LRRC19: variants seen among roughly 807,000 people sequenced by gnomAD.
LRRC19 encodes the protein leucine-rich repeat-containing protein 19.
A neutral mutation model predicts 33.3 loss-of-function variants in LRRC19; 33 were observed. The ratio of observed to expected loss-of-function variants is 0.99; its 90% CI spans 0.75 to 1.33. LRRC19 has a LOEUF of 1.33. LRRC19 is among the 40% of genes most tolerant of loss of function. LRRC19 has a pLI of 0.00. For synonymous variants in LRRC19, 184 were observed against 152.3 expected (o/e 1.21, Z -1.53); for missense variants, 463 against 417.3 (o/e 1.11, Z -0.95).
chr9:27,000,778 A>G (rs761739126), intron 1 of LRRC19, among the ~76,000 whole-genome samples: 6 of 152,210 alleles, frequency 3.9e-5, no homozygotes, highest in Non-Finnish European at 5.9e-5. Context: ...ACCGTGGCAC[A>G]TGTTTACCTA....
At chr9:27,003,344 G>A (rs1043437525) in intron 1 of LRRC19, among the ~76,000 whole-genome samples, 5 of 151,978 alleles carry the variant, frequency 3.3e-5, no homozygotes, top group Non-Finnish European at 7.4e-5. Flanking sequence ...CCAACATGGC[G>A]AAACCTCATC....
At position 26,995,854 on chromosome 9, in the gene LRRC19, A is replaced by C. The variant is rs184579360; in HGVS notation, c.785-5T>G. ...TTTTTCCAAGAGGTTCATGTTCTTT[A>C]ATGGAATACCAAGAGAGGAGAGAGA... On this transcript the variant is annotated splice_polypyrimidine_tract_variant and splice_region_variant and intron_variant, in intron 4 of 4. Transcript: ENST00000380055. 2 of 1,590,994 alleles carry C rather than the reference A, an allele frequency of 1.3e-6. No individual in the cohort carries two copies. The highest frequency in any genetic ancestry group is 3.5e-5 in the Admixed American group (2 of 56,374).
intron 1 of LRRC19, among the ~76,000 whole-genome samples, chr9:27,002,554 C>T (rs1828557515): frequency 1.3e-5 from 2 of 152,180 alleles, no homozygotes; most frequent in Admixed American, 1.3e-4. Context: ...ACTATTATTT[C>T]TCCATTTTAT....
chr9:26,998,222 G>A lies in LRRC19; in HGVS notation c.101C>T (p.Thr34Ile). The change falls in exon 3 of 5, where the codon ACT becomes ATT. Residue 34 changes from threonine (T) to isoleucine (I), a missense_variant. By Grantham distance (89) the Thr-to-Ile change is moderately conservative (BLOSUM62 -1). Transcript: ENST00000380055. Reference protein sequence around the residue: ...SSKREVQCNFTEKNYTLIPAD... With the variant: ...SSKREVQCNFIEKNYTLIPAD... ...TGGAATCAAGGTATAATTTTTTTCA[G>A]TAAAATTACATTGGACTTCCTAGAA... 6.8e-7 allele frequency: 1 copy of A among 1,466,962 alleles called. No individual in the cohort carries two copies. Among genetic ancestry groups the A allele is most frequent in the South Asian group, 1.4e-5 (1 of 70,580 alleles). 90.9% of individuals were successfully genotyped at this position (1,466,962 alleles called of 1,614,324 possible). A position where few individuals can be genotyped will look rare whatever the true frequency, so the allele number is the denominator to read the frequency against.
At chr9:26,999,213 AAACTAAGAATAAATAG>A (rs1448716788) in intron 2 of LRRC19, among the ~76,000 whole-genome samples, 3 of 152,248 alleles carry the variant, frequency 2.0e-5, no homozygotes, top group Admixed American at 2.0e-4. Context: ...ACTGAACAGT[AAACTAAGAATAAATAG>A]AACTAAGAAT....
rs1464755261 is a variant in LRRC19, at chr9:26,995,641, TGG to T, written c.991_992del (p.Pro331ArgfsTer5). On this transcript the variant is annotated frameshift_variant, in exon 5 of 5. Coordinates refer to ENST00000380055, the MANE Select transcript of LRRC19 (RefSeq NM_022901.3). LOFTEE classifies it high-confidence loss of function. ...CTGTAGTTTCTTCAGAGTTTGTTTCTGGTATCTGTGAAAGAGAGCTTGGATTT... is the reference window on the plus strand; with the variant it reads ...CTGTAGTTTCTTCAGAGTTTGTTTCTTATCTGTGAAAGAGAGCTTGGATTT... ...TGNPSSLSQI[P>X]ETNSEETTVI... 1 of 1,613,838 alleles carries T rather than the reference TGG, an allele frequency of 6.2e-7. No individual in the cohort carries two copies. The highest frequency in any genetic ancestry group is 8.5e-7 in the Non-Finnish European group (1 of 1,179,794).
intron 1 of LRRC19, among the ~76,000 whole-genome samples, 173 bp from the exon 2 acceptor site, chr9:26,999,876 G>T (rs1446761066): frequency 6.8e-6 from 1 of 145,994 alleles, no homozygotes; most frequent in African/African-American, 2.6e-5. Flanking sequence ...GGCTTAAGCA[G>T]TCCTCCCAAC....
In LRRC19 at chr9:27,002,057, G is replaced by A. The variant is rs908714536; in HGVS notation, c.-9-2354C>T. The stretch of plus-strand genomic sequence containing the variant: ...TACAATCATGGTGGAAGGTGAAGGG[G>A]AAGCAGGCATGTCTTACATGGCTAG... On this transcript the variant is annotated intron_variant, in intron 1 of 4. Transcript: ENST00000380055. 5.3e-5 allele frequency among the ~76,000 whole-genome samples: 8 copies of A among 152,260 alleles called. No individual in the cohort carries two copies. The East Asian group carries it at 1.5e-3, about 29-fold the overall frequency.
chr9:27,001,647 G>A lies in LRRC19; in HGVS notation c.-9-1944C>T, dbSNP rs530258513. ...TTCAGTTCTTTTGCCATGTTTACTTGGATTATTTGTTTTTTATCGGTTTGT... is the reference window on the plus strand; with the variant it reads ...TTCAGTTCTTTTGCCATGTTTACTTAGATTATTTGTTTTTTATCGGTTTGT... On this transcript the variant is annotated intron_variant, in intron 1 of 4. Coordinates refer to ENST00000380055, the MANE Select transcript of LRRC19 (RefSeq NM_022901.3). Among the ~76,000 whole-genome samples, 5 of 152,136 alleles carry A rather than the reference G, an allele frequency of 3.3e-5. 1 individual carries two copies. The South Asian group carries it at 1.0e-3, about 32-fold the overall frequency.
At position 26,994,607 on chromosome 9, in the gene LRRC19, A is replaced by G. The variant is rs1828050264; in HGVS notation, c.*914T>C. 6.6e-6 allele frequency: 1 copy of G among 152,244 alleles called. No homozygotes were observed. The highest frequency in any genetic ancestry group is 1.5e-5 in the Non-Finnish European group (1 of 67,974). The allele number at this position is 152,244 out of a possible 1,614,324, so 9.4% of individuals were successfully genotyped here. On this transcript the variant is annotated 3_prime_UTR_variant, in exon 5 of 5. Coordinates refer to ENST00000380055, the MANE Select transcript of LRRC19 (RefSeq NM_022901.3). ...TTAAACTACTAGTTTTTCCTGTAGT[A>G]ATTTGACCATGTACCTCCTTCTTCT...
chr9:27,002,631 C>G (rs1828562266), intron 1 of LRRC19, among the ~76,000 whole-genome samples: 1 of 152,162 alleles, frequency 6.6e-6, no homozygotes, highest in Non-Finnish European at 1.5e-5. Flanking sequence ...GTTCTCTATT[C>G]CATTCCATTG....
chr9:26,996,506 A>G lies in LRRC19; in HGVS notation c.596-7T>C. On this transcript the variant is annotated splice_polypyrimidine_tract_variant and splice_region_variant and intron_variant, in intron 3 of 4. Coordinates refer to ENST00000380055, the MANE Select transcript of LRRC19 (RefSeq NM_022901.3). ...ATGGTGATGTTCTCATTTTCTAGTA[A>G]ATCAGAAAGAATAAGATTTAGTATA... 7.1e-7 allele frequency: 1 copy of G among 1,417,762 alleles called. No individual in the cohort carries two copies. Among genetic ancestry groups the G allele is most frequent in the Admixed American group, 2.4e-5 (1 of 41,258 alleles). 87.8% of individuals were successfully genotyped at this position (1,417,762 alleles called of 1,614,324 possible).
intron 3 of LRRC19, among the ~76,000 whole-genome samples, chr9:26,997,242 C>CCCTGGTAA (rs2131572008): frequency 6.6e-6 from 1 of 151,892 alleles, no homozygotes; most frequent in Admixed American, 6.6e-5. Context: ...TAATTTTTCC[C>CCCTGGTAA]CCTGGTAATG....
Position 26,995,180 on chromosome 9 carries a change from C to T in LRRC19, c.*341G>A, listed in dbSNP as rs906442021. 1.2e-5 allele frequency: 2 copies of T among 169,286 alleles called. No homozygotes were observed. Among genetic ancestry groups the T allele is most frequent in the Non-Finnish European group, 2.6e-5 (2 of 77,692 alleles). The allele number at this position is 169,286 out of a possible 1,614,324, so 10.5% of individuals were successfully genotyped here. The stretch of plus-strand genomic sequence containing the variant: ...ATTGAAACATTAGTATAACTTAATA[C>T]ATATTATGTCAAATACCTGTGTTAA... On this transcript the variant is annotated 3_prime_UTR_variant, in exon 5 of 5. Transcript: ENST00000380055.
At chr9:27,002,020 C>T (rs757301251) in intron 1 of LRRC19, among the ~76,000 whole-genome samples, 3 of 151,750 alleles carry the variant, frequency 2.0e-5, no homozygotes, top group Non-Finnish European at 2.9e-5. Context: ...TCTGGGGGGT[C>T]CTCAGGAAAC....
intron 1 of LRRC19, among the ~76,000 whole-genome samples, chr9:27,001,027 G>T (rs1828455127): frequency 6.6e-6 from 1 of 151,984 alleles, no homozygotes; most frequent in Non-Finnish European, 1.5e-5. Context: ...CACTTTTTTA[G>T]CTCCCACATG....
chr9:27,003,349 C>G (rs1284308495), intron 1 of LRRC19, among the ~76,000 whole-genome samples: 2 of 152,058 alleles, frequency 1.3e-5, no homozygotes, highest in Non-Finnish European at 2.9e-5. Flanking sequence ...ATGGCGAAAC[C>G]TCATCTCTAC....
At chr9:26,996,932 C>A (rs895120555) in intron 3 of LRRC19, among the ~76,000 whole-genome samples, 2 of 152,068 alleles carry the variant, frequency 1.3e-5, no homozygotes, top group African/African-American at 4.8e-5. Flanking sequence ...CATTTCTGGC[C>A]GGGCGCAGAG....
intron 1 of LRRC19, among the ~76,000 whole-genome samples, chr9:27,004,817 A>C (rs1398271194): frequency 1.3e-5 from 2 of 152,174 alleles, no homozygotes; most frequent in Non-Finnish European, 2.9e-5. Context: ...TCACAAAATT[A>C]CGTGCATTTT....
Sources: allele counts gnomAD v4.1 joint callset (sites outside exome capture counted in the v4.1 genomes callset), GRCh38; gene constraint gnomAD v4.1.1; transcripts MANE v1.5; gene names NCBI Gene and HGNC (gene_info 2026-07-23, HGNC 2026-07-21).